Variants in NECTIN4 observed in about 807,000 individuals in gnomAD.
The protein encoded by NECTIN4 is nectin cell adhesion molecule 4, also known as nectin-4.
Under a neutral mutation model 51.7 loss-of-function variants are expected in NECTIN4, and 19 were observed. The observed-to-expected ratio is 0.37, with a 90% CI of 0.26 to 0.54. The LOEUF (loss-of-function observed/expected upper bound fraction) is 0.54, where lower values mean the gene tolerates loss of function less well. Ranked by LOEUF, NECTIN4 falls within the 20% of genes least tolerant of loss-of-function variation. The pLI is 0.86. For missense variants in NECTIN4, 619 were observed against 662.4 expected, an observed-to-expected ratio of 0.93 and a Z score of 0.72; for synonymous variants, 283 against 286.9, an observed-to-expected ratio of 0.99 and a Z score of 0.14.
chr1:161,081,062 A>C (rs1034779902), intron 1 of NECTIN4, among the ~76,000 whole-genome samples: 1 of 152,086 alleles, frequency 6.6e-6, no homozygotes, highest in African/African-American at 2.4e-5. Flanking sequence ...TAAATCAGGA[A>C]CCACGGTGAG....
At chr1:161,079,102 A>C (rs1653550545) in intron 2 of NECTIN4, among the ~76,000 whole-genome samples, 1 of 152,186 alleles carries the variant, frequency 6.6e-6, no homozygotes, top group Non-Finnish European at 1.5e-5. Context: ...GTGTATGGCC[A>C]CACCATTGCT....
At position 161,079,919 on chromosome 1, in the gene NECTIN4, G is replaced by A. The variant is rs760808449; in HGVS notation, c.110C>T (p.Ser37Leu). ...GRCPAGELET[S>L]DVVTVVLGQD... Reference sequence around the variant, plus strand: ...GCCCAGCACCACAGTTACCACGTCTGAGGTCTCCAGCTCACCCGCGGGGCA... The same window carrying A: ...GCCCAGCACCACAGTTACCACGTCTAAGGTCTCCAGCTCACCCGCGGGGCA... Residue 37 changes from serine (S) to leucine (L), a missense_variant, in exon 2 of 9, where the codon TCA becomes TTA. Transcript: ENST00000368012. 2.0e-5 allele frequency: 32 copies of A among 1,609,420 alleles called. No homozygotes were observed. In the Middle Eastern group the frequency reaches 6.6e-4, roughly 33 times the overall value.
intron 2 of NECTIN4, among the ~76,000 whole-genome samples, chr1:161,078,753 T>G (rs1653529008): frequency 6.6e-6 from 1 of 152,118 alleles, no homozygotes; most frequent in African/African-American, 2.4e-5. Context: ...GGCTCACGCC[T>G]GTAATCCCAG....
rs976384866 is a variant in NECTIN4 at position 161,072,303 on chromosome 1, C to T, written c.*358G>A. The T allele has an allele frequency of 2.6e-6, 1 of 392,130 alleles. No homozygotes were observed. The highest frequency in any genetic ancestry group is 2.1e-5 in the African/African-American group (1 of 48,468). The allele number at this position is 392,130 out of a possible 1,614,324, so 24.3% of individuals were successfully genotyped here. ...AACCCTGACAGTGTTGCCCACGCAA[C>T]CACTCAAATCCCGTGGCACATACAC... On this transcript the variant is annotated 3_prime_UTR_variant, in exon 9 of 9. Transcript: ENST00000368012.
In NECTIN4 at chr1:161,089,456, GC is replaced by G; in HGVS notation, c.-161del. 4.4e-6 allele frequency: 3 copies of G among 685,716 alleles called. No individual in the cohort carries two copies. The highest frequency in any genetic ancestry group is 1.6e-5 in the South Asian group (1 of 62,630). 42.5% of individuals were successfully genotyped at this position (685,716 alleles called of 1,614,324 possible). ...ACTAGGGGACCCAGCCCCAGCCCCG[GC>G]CCCGTTCTACACACCCAGCCGTAGC... On this transcript the variant is annotated 5_prime_UTR_variant, in exon 1 of 9. Coordinates refer to ENST00000368012, the MANE Select transcript of NECTIN4 (RefSeq NM_030916.3). This position sits in a 1 kb window ranked among gnomAD's most constrained non-coding sequence, Gnocchi z 4.1.
chr1:161,074,161 A>C (rs1444350530), intron 6 of NECTIN4, 56 bp downstream of exon 6: 9 of 1,608,236 alleles, frequency 5.6e-6, no homozygotes, highest in Admixed American at 1.7e-5. Flanking sequence ...ACCTCCTGCT[A>C]TCCTCTTCTT....
intron 1 of NECTIN4, among the ~76,000 whole-genome samples, chr1:161,082,331 GC>G (rs1489845319): frequency 6.6e-6 from 1 of 151,586 alleles, no homozygotes; most frequent in South Asian, 2.1e-4. Context: ...CCATCCCCCC[GC>G]CACCAAAAAA....
At chr1:161,081,363 G>A (rs987062500) in intron 1 of NECTIN4, among the ~76,000 whole-genome samples, 2 of 151,412 alleles carry the variant, frequency 1.3e-5, no homozygotes, top group Non-Finnish European at 2.9e-5. Context: ...GGAGAGGAGG[G>A]GACAGTTCTG....
rs772525583 is a variant in NECTIN4 at position 161,089,195 on chromosome 1, C to T, written c.79+23G>A. The T allele has an allele frequency of 6.8e-6, 11 of 1,612,450 alleles. No homozygotes were observed. In the East Asian group the frequency reaches 2.5e-4, roughly 36 times the overall value. On this transcript the variant is annotated intron_variant, in intron 1 of 8. Transcript: ENST00000368012. This position sits in a 1 kb window ranked among gnomAD's most constrained non-coding sequence, Gnocchi z 4.1. ...CAGGTTGGGCTCAGAAGCAAGTGTC[C>T]TGATGGTTCAGGCAAGTCCTACCTG...
intron 2 of NECTIN4, 68 bp downstream of exon 2, chr1:161,079,522 G>A (rs1653567473): frequency 1.1e-5 from 18 of 1,580,668 alleles, no homozygotes; most frequent in Non-Finnish European, 1.5e-5. Context: ...ATCCATCTCT[G>A]CAGTCCCCAT....
chr1:161,072,579 G>T lies in NECTIN4; in HGVS notation c.*82C>A. Reference sequence around the variant, plus strand: ...AGCATCTTCCGCAAGAAATGGGGGTGTTTAAGGAGGCCCCCAAGATGAGCT... The same window carrying T: ...AGCATCTTCCGCAAGAAATGGGGGTTTTTAAGGAGGCCCCCAAGATGAGCT... On this transcript the variant is annotated 3_prime_UTR_variant, in exon 9 of 9. Transcript: ENST00000368012. 8.5e-7 allele frequency: 1 copy of T among 1,179,966 alleles called. No individual in the cohort carries two copies. The highest frequency in any genetic ancestry group is 1.3e-6 in the Non-Finnish European group (1 of 785,192). 73.1% of individuals were successfully genotyped at this position (1,179,966 alleles called of 1,614,324 possible).
chr1:161,081,750 A>G (rs1653687637), intron 1 of NECTIN4, among the ~76,000 whole-genome samples: 3 of 151,480 alleles, frequency 2.0e-5, no homozygotes, highest in Admixed American at 6.6e-5. Context: ...GGTAGCACCT[A>G]CTCATCATTT....
chr1:161,083,584 T>C (rs1039838493), intron 1 of NECTIN4, among the ~76,000 whole-genome samples: 6 of 152,208 alleles, frequency 3.9e-5, no homozygotes, highest in African/African-American at 1.4e-4. Flanking sequence ...CTCCTCCCTC[T>C]GACCCTCCCA....
In NECTIN4 at chr1:161,079,689, GGA is replaced by G. The variant is rs770438421; in HGVS notation, c.338_339del (p.Leu113ProfsTer9). On this transcript the variant is annotated frameshift_variant, in exon 2 of 9. Transcript: ENST00000368012. LOFTEE classifies it high-confidence loss of function. Reference sequence around the variant, plus strand: ...TCATCCGCCTGCACTGCGTTGCGCAGGAGCACTGAGCCGTCCAGGGGGTTGCG... The same window carrying G: ...TCATCCGCCTGCACTGCGTTGCGCAGGCACTGAGCCGTCCAGGGGGTTGCG... ...PPRNPLDGSV[L>X]LRNAVQADEG... is the part of the protein sequence containing the mutation. 6.2e-7 allele frequency: 1 copy of G among 1,607,868 alleles called. No individual in the cohort carries two copies. The highest frequency in any genetic ancestry group is 8.5e-7 in the Non-Finnish European group (1 of 1,179,574).
In NECTIN4 at chr1:161,077,486, C is replaced by A; in HGVS notation, c.697G>T (p.Asp233Tyr). The change falls in exon 3 of 9, where the codon GAC becomes TAC. Residue 233 changes from aspartate (D) to tyrosine (Y), a missense_variant. By Grantham distance (160) the Asp-to-Tyr change is radical (BLOSUM62 -3). This residue lies in a region of NECTIN4 where 364 missense variants were observed against 415.7 expected (regional missense o/e 0.88). Coordinates refer to ENST00000368012, the MANE Select transcript of NECTIN4 (RefSeq NM_030916.3). ...CVVSHPGLLQ[D>Y]QRITHILHVS... is the part of the protein sequence containing the mutation. ...TGGAGGATGTGGGTGATCCTTTGGT[C>A]CTGGAGCAGGCCAGGATGGGACACC... 6.2e-7 allele frequency: 1 copy of A among 1,614,148 alleles called. No individual in the cohort carries two copies. Among genetic ancestry groups the A allele is most frequent in the South Asian group, 1.1e-5 (1 of 91,090 alleles).
rs781265284 is a variant in NECTIN4, at chr1:161,079,715, C to G, written c.314G>C (p.Arg105Pro). 1 of 1,609,046 alleles carries G rather than the reference C, an allele frequency of 6.2e-7. No homozygotes were observed. Among genetic ancestry groups the G allele is most frequent in the East Asian group, 2.2e-5 (1 of 44,878 alleles). ...GAGCACTGAGCCGTCCAGGGGGTTG[C>G]GTGGGGGCGGCGGCTGCTCCACGCG... ...EGRVEQPPPP[R>P]NPLDGSVLLR... The change falls in exon 2 of 9, where the codon CGC becomes CCC. Residue 105 changes from arginine (R) to proline (P), a missense_variant. Transcript: ENST00000368012.
intron 1 of NECTIN4, among the ~76,000 whole-genome samples, chr1:161,080,221 C>T (rs1653617819): frequency 6.6e-6 from 1 of 152,214 alleles, no homozygotes; most frequent in Admixed American, 6.5e-5. Flanking sequence ...GGCTCACACC[C>T]TCTTGCAGCC....
At position 161,071,400 on chromosome 1, in the gene NECTIN4, C is replaced by G. The variant is rs892513625; in HGVS notation, c.*1261G>C. ...TCTCTCGGTCTATAATCACTGCTCT[C>G]TCTCTCCCCAACACCACTATTGAAC... On this transcript the variant is annotated 3_prime_UTR_variant, in exon 9 of 9. Coordinates refer to ENST00000368012, the MANE Select transcript of NECTIN4 (RefSeq NM_030916.3). The G allele has an allele frequency of 6.6e-6, 1 of 152,346 alleles. No homozygotes were observed. The highest frequency in any genetic ancestry group is 2.4e-5 in the African/African-American group (1 of 41,446). The allele number at this position is 152,346 out of a possible 1,614,324, so 9.4% of individuals were successfully genotyped here.
chr1:161,079,729 C>G lies in NECTIN4; in HGVS notation c.300G>C (p.Gln100His). 2 of 1,609,762 alleles carry G rather than the reference C, an allele frequency of 1.2e-6. No homozygotes were observed. The highest frequency in any genetic ancestry group is 2.2e-5 in the East Asian group (1 of 44,880). Residue 100 changes from glutamine to histidine, a missense_variant, in exon 2 of 9, where the codon CAG becomes CAC. Physicochemically the swap from Gln to His is conservative, Grantham distance 24. Around this residue, in one of 3 missense-constraint regions of NECTIN4, gnomAD observed 218 missense variants for 186.3 expected, o/e 1.17. Transcript: ENST00000368012. ...VSPAYEGRVEQPPPPRNPLDG... is the reference protein window; with the variant it reads ...VSPAYEGRVEHPPPPRNPLDG... ...CCAGGGGGTTGCGTGGGGGCGGCGG[C>G]TGCTCCACGCGGCCCTCGTAAGCCG...
Sources: allele counts gnomAD v4.1 joint callset (sites outside exome capture counted in the v4.1 genomes callset), GRCh38; gene constraint gnomAD v4.1.1; regional missense constraint gnomAD v4.1.1; non-coding constraint Gnocchi (gnomAD v3.1); transcripts MANE v1.5; gene names NCBI Gene and HGNC (gene_info 2026-07-23, HGNC 2026-07-21).